Variants in HTR3B observed in about 807,000 individuals in gnomAD.
The protein encoded by HTR3B is 5-hydroxytryptamine receptor 3B.
Under a neutral mutation model 42.8 loss-of-function variants are expected in HTR3B, and 44 were observed. The ratio of observed to expected loss-of-function variants is 1.03; its 90% confidence interval spans 0.81 to 1.32. The LOEUF (loss-of-function observed/expected upper bound fraction) is 1.32. Ranked by LOEUF, HTR3B falls within the 40% of genes most tolerant of loss-of-function variation. The pLI is 0.00. For synonymous variants in HTR3B, 203 were observed against 209.0 expected (o/e 0.97, Z 0.25); for missense variants, 527 against 536.5 (o/e 0.98, Z 0.17).
intron 2 of HTR3B, among the ~76,000 whole-genome samples, chr11:113,920,104 C>T (rs1949898601): frequency 6.6e-6 from 1 of 152,016 alleles, no homozygotes; most frequent in African/African-American, 2.4e-5. Flanking sequence ...TCTTGGCTCA[C>T]CACAACCTCC....
intron 6 of HTR3B, among the ~76,000 whole-genome samples, chr11:113,935,284 G>A (rs781390288): frequency 2.6e-5 from 4 of 152,008 alleles, no homozygotes; most frequent in Non-Finnish European, 4.4e-5. Flanking sequence ...GCTTCCCCCC[G>A]GGTACGTTTT....
upstream of HTR3B, among the ~76,000 whole-genome samples, chr11:113,903,428 C>CTTT (rs57289369): frequency 2.5e-5 from 3 of 121,076 alleles, no homozygotes; most frequent in Admixed American, 8.8e-5. Context: ...CTTTTCTTTT[C>CTTT]TTTTTTTTTT....
rs948472808 is a variant in HTR3B at position 113,947,073 on chromosome 11, G to T, written c.*936G>T. Among the ~76,000 whole-genome samples, 26 of 151,044 alleles carry T rather than the reference G, an allele frequency of 1.7e-4. No homozygotes were observed. Among genetic ancestry groups the T allele is most frequent in the African/African-American group, 6.3e-4 (26 of 41,112 alleles). ...CCTCTTCCTGTGCCCCTTCAGCAGT[G>T]CATCCCCACTGGAGAGAACCCAGGT... On this transcript the variant is annotated 3_prime_UTR_variant, in exon 9 of 9. Coordinates refer to ENST00000260191, the MANE Select transcript of HTR3B (RefSeq NM_006028.5).
At chr11:113,907,366 T>A (rs1949741728) in intron 1 of HTR3B, among the ~76,000 whole-genome samples, 1 of 152,222 alleles carries the variant, frequency 6.6e-6, no homozygotes. Context: ...AATTTACTGT[T>A]AATTAATGGT....
upstream of HTR3B, among the ~76,000 whole-genome samples, chr11:113,903,086 G>T (rs938103984): frequency 2.6e-5 from 4 of 152,092 alleles, no homozygotes; most frequent in Non-Finnish European, 5.9e-5. Context: ...GCTTAGGCTG[G>T]TCTCAAATTC....
rs58588681 is a variant in HTR3B at position 113,948,863 on chromosome 11, CAA to C, written c.*2739_*2740del. Among the ~76,000 whole-genome samples, 2 of 145,060 alleles carry C rather than the reference CAA, an allele frequency of 1.4e-5. No homozygotes were observed. The highest frequency in any genetic ancestry group is 2.5e-5 in the African/African-American group (1 of 39,222). ...GGGCAACAAGAGCTAAACTCTATCT[CAA>C]AAAAAAAAAAAAGTTTAAAGTGCTT... On this transcript the variant is annotated 3_prime_UTR_variant, in exon 9 of 9. Transcript: ENST00000260191.
chr11:113,911,723 C>A (rs1949796405), intron 2 of HTR3B, among the ~76,000 whole-genome samples: 1 of 150,574 alleles, frequency 6.6e-6, no homozygotes, highest in African/African-American at 2.4e-5. Flanking sequence ...AGATGGGGTT[C>A]CACCATGTTG....
At chr11:113,940,559 T>A (rs1263707191) in intron 6 of HTR3B, among the ~76,000 whole-genome samples, 1 of 152,232 alleles carries the variant, frequency 6.6e-6, no homozygotes, top group Non-Finnish European at 1.5e-5. Flanking sequence ...AGAAATGTGT[T>A]TTAACCAGAT....
intron 6 of HTR3B, among the ~76,000 whole-genome samples, chr11:113,939,283 C>A (rs1415397906): frequency 1.3e-5 from 2 of 152,232 alleles, no homozygotes; most frequent in Non-Finnish European, 2.9e-5. Flanking sequence ...CCTCTGCCTT[C>A]ATTTACTGTT....
intron 2 of HTR3B, among the ~76,000 whole-genome samples, chr11:113,916,011 G>A (rs983628853): frequency 3.3e-5 from 5 of 152,108 alleles, no homozygotes; most frequent in African/African-American, 1.2e-4. Context: ...GCTAATTTTT[G>A]TACTTTTAGT....
At chr11:113,914,907 G>T (rs1949836520) in intron 2 of HTR3B, among the ~76,000 whole-genome samples, 1 of 152,144 alleles carries the variant, frequency 6.6e-6, no homozygotes, top group Non-Finnish European at 1.5e-5. Flanking sequence ...GGTAATCAAA[G>T]GCAAATTCAA....
chr11:113,943,041 T>C lies in HTR3B; in HGVS notation c.756T>C (p.Phe252=). 1 of 1,614,038 alleles carries C rather than the reference T, an allele frequency of 6.2e-7. No individual in the cohort carries two copies. The highest frequency in any genetic ancestry group is 8.5e-7 in the Non-Finnish European group (1 of 1,180,000). Residue 252 remains phenylalanine (F), a synonymous_variant, in exon 7 of 9, where the codon TTT becomes TTC. Coordinates refer to ENST00000260191, the MANE Select transcript of HTR3B (RefSeq NM_006028.5). ...YVVSLLIPSI[F]LMLVDLGSFY... ...TGAGTCTGCTGATTCCTAGCATCTT[T>C]CTCATGCTGGTGGACCTGGGGAGCT...
At chr11:113,935,042 G>A (rs1249357713) in intron 6 of HTR3B, among the ~76,000 whole-genome samples, 1 of 150,398 alleles carries the variant, frequency 6.6e-6, no homozygotes, top group East Asian at 1.9e-4. Flanking sequence ...GCACACATGT[G>A]CACACACACA....
At chr11:113,944,966 TG>T (rs1265034860) in intron 8 of HTR3B, among the ~76,000 whole-genome samples, 1 of 152,194 alleles carries the variant, frequency 6.6e-6, no homozygotes, top group Non-Finnish European at 1.5e-5. Context: ...GTTGTTTTTC[TG>T]TTTGTTTTGG....
At chr11:113,925,484 C>T (rs540950976) in intron 2 of HTR3B, among the ~76,000 whole-genome samples, 1 of 133,344 alleles carries the variant, frequency 7.5e-6, no homozygotes, top group East Asian at 2.1e-4. Flanking sequence ...AGTGCAGTGG[C>T]GCCATCTCTG....
At chr11:113,927,268 A>T (rs1306362606) in intron 2 of HTR3B, among the ~76,000 whole-genome samples, 1 of 152,120 alleles carries the variant, frequency 6.6e-6, no homozygotes, top group East Asian at 1.9e-4. Context: ...TTTTGTTTTG[A>T]CCATTCTTTC....
chr11:113,944,905 C>T, intron 8 of HTR3B, 150 bp downstream of exon 8: 1 of 623,850 alleles, frequency 1.6e-6, no homozygotes, highest in Admixed American at 3.1e-5. Context: ...TATATTATCT[C>T]TCTGGAGACT....
intron 6 of HTR3B, among the ~76,000 whole-genome samples, chr11:113,935,075 C>T (rs1950079841): frequency 1.3e-5 from 2 of 152,144 alleles, no homozygotes; most frequent in Admixed American, 6.6e-5. Flanking sequence ...CTCTCTCTCT[C>T]CATAGAGCAG....
chr11:113,927,369 A>G (rs80339755), intron 2 of HTR3B, among the ~76,000 whole-genome samples: 57 of 152,286 alleles, frequency 3.7e-4, no homozygotes, highest in African/African-American at 1.3e-3. Context: ...TTAAAAAAAT[A>G]CTAATGTTTT....
Sources: gnomAD v4.1 joint callset for allele counts (sites outside exome capture counted in the v4.1 genomes callset) on GRCh38, gnomAD v4.1.1 for gene constraint, MANE v1.5 for transcripts, NCBI Gene and HGNC (gene_info 2026-07-23, HGNC 2026-07-21) for gene names.